Variants in ICE1 observed in about 807,000 individuals in gnomAD.
ICE1 encodes the protein interactor of little elongation complex ELL subunit 1, also known as little elongation complex subunit 1.
In ICE1, 64 loss-of-function variants were observed where a neutral mutation model predicts 192.7. The ratio of observed to expected loss-of-function variants is 0.33; its 90% CI spans 0.27 to 0.41. The LOEUF (loss-of-function observed/expected upper bound fraction) is 0.41. Ranked by LOEUF, ICE1 falls within the 10% of genes least tolerant of loss-of-function variation. ICE1 has a pLI of 1.00. For synonymous variants in ICE1, 1,010 were observed against 984.5 expected, an observed-to-expected ratio of 1.03 and a Z score of -0.49; for missense variants, 2,708 against 2,696.0, an observed-to-expected ratio of 1.00 and a Z score of -0.10.
At chr5:5,430,338 C>T (rs547384649) in intron 1 of ICE1, among the ~76,000 whole-genome samples, 7 of 152,184 alleles carry the variant, frequency 4.6e-5, no homozygotes, top group Non-Finnish European at 1.0e-4. Flanking sequence ...CAATATCTGA[C>T]CACAGATAAT....
At chr5:5,430,822 T>G (rs544351185) in intron 1 of ICE1, among the ~76,000 whole-genome samples, 2 of 152,350 alleles carry the variant, frequency 1.3e-5, no homozygotes, top group African/African-American at 4.8e-5. Flanking sequence ...AGCTGTGGTG[T>G]TTTCTGCATG....
chr5:5,434,466 A>C (rs564469834), intron 1 of ICE1, among the ~76,000 whole-genome samples: 3 of 152,166 alleles, frequency 2.0e-5, no homozygotes, highest in Non-Finnish European at 4.4e-5. Flanking sequence ...TTTTATTTAG[A>C]TCTTTTGTGT....
intron 7 of ICE1, among the ~76,000 whole-genome samples, chr5:5,446,045 TCTCA>T (rs1561079739): frequency 2.0e-5 from 3 of 152,100 alleles, no homozygotes; most frequent in Admixed American, 2.0e-4. Context: ...TAGAGACAGG[TCTCA>T]CTCTGTTGCC....
rs758014766 is a variant in ICE1, at chr5:5,460,525, A to C, written c.1191A>C (p.Thr397=). 3.7e-6 allele frequency: 6 copies of C among 1,612,106 alleles called. No individual in the cohort carries two copies. In the South Asian group the frequency reaches 6.6e-5, roughly 18 times the overall value. ...CTGAGTGTGTTTCAGAAGATGATAC[A>C]ACTGAATCACAGAATTATTTTGGCT... ...NSAECVSEDD[T]TESQNYFGSL... is the part of the protein sequence containing the mutation. Residue 397 remains threonine, a synonymous_variant, in exon 13 of 19, where the codon ACA becomes ACC. Coordinates refer to ENST00000296564, the MANE Select transcript of ICE1 (RefSeq NM_015325.3).
At position 5,461,861 on chromosome 5, in the gene ICE1, A is replaced by G. The variant is rs762696577; in HGVS notation, c.2527A>G (p.Asn843Asp). 3 of 1,613,932 alleles carry G rather than the reference A, an allele frequency of 1.9e-6. No homozygotes were observed. Among genetic ancestry groups the G allele is most frequent in the South Asian group, 1.1e-5 (1 of 91,080 alleles). Reference sequence around the variant, plus strand: ...GCCTGATCTTCTTAGAGAAAATAACAATCCTGTAGAATTCAAGACCACTGC... The same window carrying G: ...GCCTGATCTTCTTAGAGAAAATAACGATCCTGTAGAATTCAAGACCACTGC... Reference protein sequence around the residue: ...PKPDLLRENNNPVEFKTTASV... With the variant: ...PKPDLLRENNDPVEFKTTASV... The change falls in exon 13 of 19, where the codon AAT becomes GAT. Residue 843 changes from asparagine (N) to aspartate (D), a missense_variant. Physicochemically the swap from Asn to Asp is conservative, Grantham distance 23. Transcript: ENST00000296564.
At chr5:5,481,437 T>C (rs1739502198) in intron 17 of ICE1, among the ~76,000 whole-genome samples, 1 of 152,160 alleles carries the variant, frequency 6.6e-6, no homozygotes, top group African/African-American at 2.4e-5. Context: ...CAGCTGTACC[T>C]GTGATTTATC....
At chr5:5,460,089 C>T (rs1049111516) in intron 12 of ICE1, among the ~76,000 whole-genome samples, 1 of 152,106 alleles carries the variant, frequency 6.6e-6, no homozygotes, top group African/African-American at 2.4e-5. Context: ...TGGGTCAGAG[C>T]CTTTGTTACT....
In ICE1 at chr5:5,464,912, AG is replaced by A; in HGVS notation, c.5582del (p.Gly1861GlufsTer42). 3.1e-6 allele frequency: 5 copies of A among 1,613,490 alleles called. No homozygotes were observed. The highest frequency in any genetic ancestry group is 4.2e-6 in the Non-Finnish European group (5 of 1,179,638). On this transcript the variant is annotated frameshift_variant, in exon 13 of 19. Coordinates refer to ENST00000296564, the MANE Select transcript of ICE1 (RefSeq NM_015325.3). LOFTEE classifies it high-confidence loss of function. The surrounding 1 kb of genome is among the most constrained non-coding windows in gnomAD (Gnocchi z 4.0). ...LDTGSPEPET[R>X]GVTAEGIHKN... ...CACTGGGTCCCCAGAACCAGAAACC[AG>A]GGGAGTCACTGCAGAAGGAATCCAC...
In ICE1 at chr5:5,473,752, A is replaced by G. The variant is rs1436029575; in HGVS notation, c.6413+4A>G. 2 of 1,558,262 alleles carry G rather than the reference A, an allele frequency of 1.3e-6. No individual in the cohort carries two copies. Among genetic ancestry groups the G allele is most frequent in the East Asian group, 2.3e-5 (1 of 43,440 alleles). On this transcript the variant is annotated splice_donor_region_variant and intron_variant, in intron 16 of 18. Coordinates refer to ENST00000296564, the MANE Select transcript of ICE1 (RefSeq NM_015325.3). ...GGACGCATGATAACATCATAAGGTT[A>G]GTTATTTTACTAATTTAAATAAAGA... is the stretch of plus-strand genomic sequence containing the variant.
chr5:5,444,359 G>A (rs776352342), intron 7 of ICE1, 33 bp downstream of exon 7: 7 of 1,520,052 alleles, frequency 4.6e-6, no homozygotes, highest in African/African-American at 2.8e-5. Flanking sequence ...GAAGTTTTCG[G>A]TCAGTACAAA....
rs1738280869 is a variant in ICE1 at position 5,447,757 on chromosome 5, A to T, written c.544A>T (p.Lys182Ter). 1.3e-6 allele frequency: 2 copies of T among 1,584,654 alleles called. No homozygotes were observed. Residue 182 changes from lysine (K) to a stop codon, truncating the protein, a stop_gained, in exon 9 of 19, where the codon AAG (lysine) becomes TAG (stop). Coordinates refer to ENST00000296564, the MANE Select transcript of ICE1 (RefSeq NM_015325.3). LOFTEE classifies it high-confidence loss of function. ...LDEFSKQKNE[K>*]ELRHIGTQIS... ...CGAATTTTCTAAACAGAAAAATGAA[A>T]AGGGTGAGTATTCAGTTAATGCTTA...
chr5:5,483,694 T>C (rs1739567395), intron 17 of ICE1, among the ~76,000 whole-genome samples: 1 of 152,200 alleles, frequency 6.6e-6, no homozygotes, highest in African/African-American at 2.4e-5. Flanking sequence ...ATCTGTAGAA[T>C]ACCACCTTTC....
intron 17 of ICE1, among the ~76,000 whole-genome samples, chr5:5,480,812 A>C (rs983652572): frequency 2.0e-5 from 3 of 152,206 alleles, no homozygotes; most frequent in Admixed American, 1.3e-4. Context: ...CCAATAATAC[A>C]CTTGGAGATA....
chr5:5,481,049 T>C (rs1184214905), intron 17 of ICE1, among the ~76,000 whole-genome samples: 1 of 152,194 alleles, frequency 6.6e-6, no homozygotes, highest in Non-Finnish European at 1.5e-5. Context: ...AGTGATGGCA[T>C]TCCCCATAGT....
Position 5,443,189 on chromosome 5 carries a change from G to C in ICE1, c.331G>C (p.Asp111His). 6.6e-7 allele frequency: 1 copy of C among 1,507,688 alleles called. No individual in the cohort carries two copies. The highest frequency in any genetic ancestry group is 8.9e-7 in the Non-Finnish European group (1 of 1,123,178). The allele number at this position is 1,507,688 out of a possible 1,614,324, so 93.4% of individuals were successfully genotyped here. A position where few individuals can be genotyped will look rare whatever the true frequency, so the allele number is the denominator to read the frequency against. ...AAAGAGTTCTTTAAAGTTGTATCAG[G>C]ATACTCATCAGGAATATGCTCGTGT... ...EKKSSLKLYQ[D>H]THQEYARVKE... Residue 111 changes from aspartate (D) to histidine (H), a missense_variant, in exon 6 of 19, where the codon GAT becomes CAT. This residue lies in a region of ICE1 where 2,366 missense variants were observed against 2,276.6 expected (regional missense o/e 1.04). Coordinates refer to ENST00000296564, the MANE Select transcript of ICE1 (RefSeq NM_015325.3).
chr5:5,445,898 ATTT>A (rs952884660), intron 7 of ICE1, among the ~76,000 whole-genome samples: 2 of 150,994 alleles, frequency 1.3e-5, no homozygotes, highest in African/African-American at 4.9e-5. Flanking sequence ...ACTTTTTTAT[ATTT>A]TTAGTAGAGA....
At chr5:5,480,016 CAGCAAACCATCATGGCACATGTATACCTA>C in intron 17 of ICE1, among the ~76,000 whole-genome samples, 1 of 152,206 alleles carries the variant, frequency 6.6e-6, no homozygotes, top group East Asian at 1.9e-4. Flanking sequence ...TTGATAGGTG[CAGCAAACCATCATGGCACATGTATACCTA>C]TGTAACAAAC....
At chr5:5,424,036 A>G (rs1339167200) in intron 1 of ICE1, among the ~76,000 whole-genome samples, 1 of 152,174 alleles carries the variant, frequency 6.6e-6, no homozygotes, top group Non-Finnish European at 1.5e-5. Flanking sequence ...GGCTGTCAGA[A>G]GAGATGTGGG....
At chr5:5,483,610 T>C (rs1205146667) in intron 17 of ICE1, among the ~76,000 whole-genome samples, 3 of 152,190 alleles carry the variant, frequency 2.0e-5, no homozygotes, top group African/African-American at 7.2e-5. Flanking sequence ...TAAGCCCTTC[T>C]CTGAGGCCAT....
Sources: gnomAD v4.1 joint callset for allele counts (sites outside exome capture counted in the v4.1 genomes callset) on GRCh38, gnomAD v4.1.1 for gene constraint, gnomAD v4.1.1 regional missense constraint, Gnocchi (gnomAD v3.1) non-coding constraint, MANE v1.5 for transcripts, NCBI Gene and HGNC (gene_info 2026-07-23, HGNC 2026-07-21) for gene names.